Variants in FBN3 observed in about 807,000 individuals in gnomAD.
FBN3 encodes the protein fibrillin 3.
In FBN3, 234 loss-of-function variants were observed where a neutral mutation model predicts 330.1. The ratio of observed to expected loss-of-function variants is 0.71; its 90% CI spans 0.64 to 0.79. The LOEUF (loss-of-function observed/expected upper bound fraction) is 0.79, where lower values mean the gene tolerates loss of function less well. Among genes scored for constraint, FBN3 ranks in the 30% least tolerant of loss-of-function variants. The pLI, the probability that FBN3 is intolerant of heterozygous loss-of-function variation, is 0.00. For synonymous variants in FBN3, 1,458 were observed against 1,517.3 expected (o/e 0.96, Z 0.91); for missense variants, 3,606 against 3,886.9 (o/e 0.93, Z 1.92).
chr19:8,067,838 A>G (rs767671266), intron 63 of FBN3, among the ~76,000 whole-genome samples: 4 of 152,082 alleles, frequency 2.6e-5, no homozygotes, highest in Non-Finnish European at 5.9e-5. Context: ...CAAGGTGGAC[A>G]GATTGCTTGA....
chr19:8,128,979 T>C, intron 18 of FBN3, 49 bp downstream of exon 18: 7 of 1,569,936 alleles, frequency 4.5e-6, no homozygotes, highest in Non-Finnish European at 6.1e-6. Context: ...GCCAAGTATG[T>C]TGGAGCATAT....
In FBN3 at chr19:8,126,494, C is replaced by T; in HGVS notation, c.2528G>A (p.Gly843Glu). 6.2e-7 allele frequency: 1 copy of T among 1,613,076 alleles called. No homozygotes were observed. The highest frequency in any genetic ancestry group is 1.7e-5 in the Admixed American group (1 of 59,954). The change falls in exon 20 of 64, where the codon GGG (glycine) becomes GAG (glutamate). Residue 843 changes from glycine to glutamate, a missense_variant. Gly to Glu is a moderately conservative substitution (Grantham distance 98). Transcript: ENST00000600128. ...ECCATLGAAW[G>E]SPCERCEIDP... ...GATCTCGCAGCGTTCGCAGGGGCTC[C>T]CCCAGGCTGCCCCGAGGGTGGCGCA...
chr19:8,093,361 T>C (rs113348389), intron 47 of FBN3, among the ~76,000 whole-genome samples: 3,230 of 152,126 alleles, frequency 0.021, 45 homozygotes, highest in Non-Finnish European at 0.027. Flanking sequence ...CAATGGCTCA[T>C]GCCTGTAATC....
chr19:8,131,545 G>A lies in FBN3; in HGVS notation c.1990+9C>T, dbSNP rs1568441892. 1 of 1,598,830 alleles carries A rather than the reference G, an allele frequency of 6.3e-7. No individual in the cohort carries two copies. Among genetic ancestry groups the A allele is most frequent in the Non-Finnish European group, 8.5e-7 (1 of 1,170,312 alleles). On this transcript the variant is annotated intron_variant, in intron 15 of 63. Transcript: ENST00000600128. This position sits in a 1 kb window ranked among gnomAD's most constrained non-coding sequence, Gnocchi z 4.5. ...GGAGGCGATGGGGACCGGGCAGCCG[G>A]ATGCTCACCGGAGTCTTTGGCAGGA...
rs7245429 is a variant in FBN3 at position 8,094,478 on chromosome 19, G to T, written c.5873C>A (p.Pro1958His). The change falls in exon 47 of 64, where the codon CCT becomes CAT. Residue 1958 changes from proline (P) to histidine (H), a missense_variant. By Grantham distance (77) the Pro-to-His change is moderately conservative. Coordinates refer to ENST00000600128, the MANE Select transcript of FBN3 (RefSeq NM_032447.5). ...LEGSFRCICPPGFQVQSDHCI... is the reference protein window; with the variant it reads ...LEGSFRCICPHGFQVQSDHCI... ...GTGGTCACTCTGCACCTGGAAGCCA[G>T]GGGGACAGATGCAGCGGAAGGAGCC... The T allele has an allele frequency of 0.42, 680,357 of 1,612,292 alleles. 149,915 individuals are homozygous for T. The highest frequency in any genetic ancestry group is 0.71 in the East Asian group (31,831 of 44,828).
intron 3 of FBN3, among the ~76,000 whole-genome samples, chr19:8,146,899 C>T (rs2145072979): frequency 1.3e-5 from 2 of 152,272 alleles, no homozygotes; most frequent in South Asian, 4.2e-4. Flanking sequence ...GAGAGACAGA[C>T]AGACACAAGG....
chr19:8,126,254 G>T, intron 21 of FBN3, 43 bp downstream of exon 21: 1 of 1,568,486 alleles, frequency 6.4e-7, no homozygotes, highest in Non-Finnish European at 8.7e-7. Context: ...GTTGTGTGCG[G>T]GCTCTGGAGT....
intron 48 of FBN3, among the ~76,000 whole-genome samples, chr19:8,090,487 G>T (rs373006542): frequency 2.8e-5 from 4 of 141,456 alleles, no homozygotes; most frequent in Non-Finnish European, 4.6e-5. Flanking sequence ...GGTGGTGGTG[G>T]TTTTTTTTTT....
intron 13 of FBN3, among the ~76,000 whole-genome samples, chr19:8,133,509 G>T (rs1476335393): frequency 6.6e-6 from 1 of 151,848 alleles, no homozygotes; most frequent in Non-Finnish European, 1.5e-5. Context: ...GGAGCACAGT[G>T]GTGTGATCTC....
rs1363850382 is a variant in FBN3, at chr19:8,095,381, A to G, written c.5779T>C (p.Cys1927Arg). 1.9e-6 allele frequency: 3 copies of G among 1,613,288 alleles called. No homozygotes were observed. Among genetic ancestry groups the G allele is most frequent in the Non-Finnish European group, 2.5e-6 (3 of 1,179,538 alleles). Residue 1927 changes from cysteine to arginine, a missense_variant, in exon 46 of 64, where the codon TGT becomes CGT. Cys to Arg is a radical substitution (Grantham distance 180). Coordinates refer to ENST00000600128, the MANE Select transcript of FBN3 (RefSeq NM_032447.5). The part of the protein sequence containing the change: ...GFELTADGKN[C>R]VDTNECLSLA... The stretch of plus-strand genomic sequence containing the variant: ...GCACCATAGGCAGACTCACCCACAC[A>G]GTTCTTCCCATCAGCTGTGAGCTCA...
chr19:8,136,549 A>G lies in FBN3; in HGVS notation c.1202-18T>C. Reference sequence around the variant, plus strand: ...AGCAGTGCCTACGGGTGGGGCCGGCAGAGGCATCTGAGCAGTGGCTGGCCC... The same window carrying G: ...AGCAGTGCCTACGGGTGGGGCCGGCGGAGGCATCTGAGCAGTGGCTGGCCC... On this transcript the variant is annotated intron_variant, in intron 10 of 63. Transcript: ENST00000600128. 6.2e-7 allele frequency: 1 copy of G among 1,613,674 alleles called. No homozygotes were observed. The highest frequency in any genetic ancestry group is 8.5e-7 in the Non-Finnish European group (1 of 1,179,690).
chr19:8,135,040 G>A (rs908148938), intron 13 of FBN3, among the ~76,000 whole-genome samples: 3 of 151,478 alleles, frequency 2.0e-5, no homozygotes, highest in African/African-American at 4.8e-5. Flanking sequence ...GTGCAGTGAT[G>A]CAATCACAGC....
chr19:8,136,679 C>A, intron 10 of FBN3, 148 bp from the exon 11 acceptor site: 1 of 1,081,426 alleles, frequency 9.2e-7, no homozygotes, highest in South Asian at 1.5e-5. Flanking sequence ...CATGGAGAGT[C>A]CTGCCTTAGA....
At chr19:8,088,004 C>A in intron 52 of FBN3, 56 bp downstream of exon 52, 1 of 1,614,028 alleles carries the variant, frequency 6.2e-7, no homozygotes. Flanking sequence ...GACCTCCACT[C>A]CCTCCCCCAG....
Position 8,131,650 on chromosome 19 carries a change from GGC to G in FBN3, c.1892_1893del (p.Arg631ProfsTer34). ...GACTTGGTGACAGTGCCAGGGAAGG[GGC>G]GGGCACAGGAGCCCTTCTCGATGGC... ...YGAIEKGSCARPFPGTVTKSE... is the reference protein window; with the variant it reads ...YGAIEKGSCAXPFPGTVTKSE... On this transcript the variant is annotated frameshift_variant, in exon 15 of 64. Transcript: ENST00000600128. LOFTEE classifies it high-confidence loss of function. The surrounding 1 kb of genome is among the most constrained non-coding windows in gnomAD (Gnocchi z 4.5). 13 of 1,614,240 alleles carry G rather than the reference GGC, an allele frequency of 8.1e-6. No homozygotes were observed. Among genetic ancestry groups the G allele is most frequent in the Non-Finnish European group, 1.1e-5 (13 of 1,180,042 alleles).
rs200422303 is a variant in FBN3 at position 8,066,029 on chromosome 19, G to T, written c.8320C>A (p.Arg2774=). The T allele has an allele frequency of 1.9e-6, 3 of 1,613,088 alleles. No individual in the cohort carries two copies. Among genetic ancestry groups the T allele is most frequent in the Non-Finnish European group, 2.5e-6 (3 of 1,179,984 alleles). ...GRRRPGPGTY[R]LEVVSHMAGP... is the part of the protein sequence containing the mutation. ...GCCATGTGGCTCACCACCTCCAGCC[G>T]GTAGGTTCCAGGCCCCGGCCGCCTC... Residue 2774 remains arginine (R), a synonymous_variant, in exon 64 of 64, where the codon CGG becomes AGG. Coordinates refer to ENST00000600128, the MANE Select transcript of FBN3 (RefSeq NM_032447.5).
intron 16 of FBN3, among the ~76,000 whole-genome samples, chr19:8,130,607 A>AG (rs1275620168): frequency 9.2e-4 from 14 of 15,160 alleles, no homozygotes; most frequent in Non-Finnish European, 1.6e-3. Flanking sequence ...AAAGAAAGAA[A>AG]GAAAGAAAGA....
intron 39 of FBN3, among the ~76,000 whole-genome samples, 196 bp downstream of exon 39, chr19:8,103,366 G>A (rs1267036770): frequency 6.7e-6 from 1 of 149,138 alleles, no homozygotes; most frequent in Non-Finnish European, 1.5e-5. Flanking sequence ...AGCCTTTTTT[G>A]AGCAGTGCAC....
chr19:8,127,498 C>T (rs888296463), intron 18 of FBN3, among the ~76,000 whole-genome samples: 1 of 152,176 alleles, frequency 6.6e-6, no homozygotes, highest in Non-Finnish European at 1.5e-5. Context: ...TCAATTCTGA[C>T]GCTTTCTGCC....
Sources: allele counts gnomAD v4.1 joint callset (sites outside exome capture counted in the v4.1 genomes callset), GRCh38; gene constraint gnomAD v4.1.1; non-coding constraint Gnocchi (gnomAD v3.1); transcripts MANE v1.5; gene names NCBI Gene and HGNC (gene_info 2026-07-23, HGNC 2026-07-21).